Variants in ATG7 observed in about 807,000 individuals in gnomAD.
The protein encoded by ATG7 is ubiquitin-like modifier-activating enzyme ATG7.
In ATG7, 70 loss-of-function variants were observed where a neutral mutation model predicts 82.4. The ratio of observed to expected loss-of-function variants is 0.85; its 90% CI spans 0.70 to 1.04. ATG7 has a LOEUF of 1.04. Ranked by LOEUF, ATG7 falls within the 50% of genes least tolerant of loss-of-function variation. ATG7 has a pLI of 0.00. For missense variants in ATG7, 792 were observed against 864.3 expected, an observed-to-expected ratio of 0.92 and a Z score of 1.05; for synonymous variants, 287 against 313.0, an observed-to-expected ratio of 0.92 and a Z score of 0.88.
chr3:11,540,934 C>T (rs2070770237), intron 20 of ATG7, among the ~76,000 whole-genome samples: 1 of 142,398 alleles, frequency 7.0e-6, no homozygotes, highest in African/African-American at 2.6e-5. Flanking sequence ...GAGTCTTGCT[C>T]TGTCGCCCAG....
chr3:11,485,723 G>A (rs1287504991), intron 20 of ATG7, among the ~76,000 whole-genome samples: 1 of 152,148 alleles, frequency 6.6e-6, no homozygotes, highest in Non-Finnish European at 1.5e-5. Flanking sequence ...TTTGTATAAG[G>A]TGTAAGCAAG....
chr3:11,308,898 G>A (rs1948190900), intron 6 of ATG7, 86 bp from the exon 7 acceptor site: 3 of 1,255,652 alleles, frequency 2.4e-6, no homozygotes, highest in East Asian at 4.6e-5. Context: ...GAAGAGCCTG[G>A]TGCTTTTCAG....
chr3:11,480,341 C>T (rs2153031319), intron 20 of ATG7, among the ~76,000 whole-genome samples: 1 of 152,196 alleles, frequency 6.6e-6, no homozygotes, highest in East Asian at 1.9e-4. Context: ...AGTTCAAGAC[C>T]AGCTGGGCAA....
At chr3:11,547,798 T>C (rs2071418477) in intron 20 of ATG7, among the ~76,000 whole-genome samples, 1 of 152,244 alleles carries the variant, frequency 6.6e-6, no homozygotes, top group Non-Finnish European at 1.5e-5. Flanking sequence ...CATGTGCTTC[T>C]TAGCAATTTG....
At chr3:11,485,993 T>A (rs1458415000) in intron 20 of ATG7, among the ~76,000 whole-genome samples, 2 of 152,208 alleles carry the variant, frequency 1.3e-5, no homozygotes, top group Admixed American at 1.3e-4. Flanking sequence ...CCAGCTTTGC[T>A]CTTTTGGCTT....
At chr3:11,513,846 G>T (rs1289623895) in intron 20 of ATG7, among the ~76,000 whole-genome samples, 1 of 152,250 alleles carries the variant, frequency 6.6e-6, no homozygotes, top group Non-Finnish European at 1.5e-5. Context: ...CATAACAACA[G>T]CAAGAATATC....
chr3:11,360,775 C>G lies in ATG7; in HGVS notation c.1674C>G (p.Ala558=). 6.2e-7 allele frequency: 1 copy of G among 1,614,096 alleles called. No individual in the cohort carries two copies. The highest frequency in any genetic ancestry group is 8.5e-7 in the Non-Finnish European group (1 of 1,179,996). ...GCTACTTCTGCAATGATGTGGTGGC[C>G]CCAGGAGATGTAAGTGGATTTCTCT... is the stretch of plus-strand genomic sequence containing the variant. ...LGCYFCNDVV[A]PGDSTRDRTL... The change falls in exon 16 of 21, where the codon GCC becomes GCG. Residue 558 remains alanine (A), a synonymous_variant. Coordinates refer to ENST00000693202, the MANE Select transcript of ATG7 (RefSeq NM_001349232.2).
At chr3:11,530,631 AC>A (rs1559805328) in intron 20 of ATG7, among the ~76,000 whole-genome samples, 1 of 152,034 alleles carries the variant, frequency 6.6e-6, no homozygotes, top group African/African-American at 2.4e-5. Context: ...TCCAGCAGTG[AC>A]CCCCACTGAG....
intron 20 of ATG7, among the ~76,000 whole-genome samples, chr3:11,519,078 A>G (rs1170206690): frequency 2.0e-5 from 3 of 152,206 alleles, no homozygotes; most frequent in Admixed American, 2.0e-4. Flanking sequence ...CTGAAACACC[A>G]ACTTGCCAAA....
intron 20 of ATG7, among the ~76,000 whole-genome samples, chr3:11,468,335 GC>G (rs2087051330): frequency 6.6e-6 from 1 of 152,052 alleles, no homozygotes; most frequent in South Asian, 2.1e-4. Context: ...GCACAGGCCA[GC>G]CCGCCACTTC....
chr3:11,306,704 G>A (rs561051703), intron 5 of ATG7, among the ~76,000 whole-genome samples: 1 of 152,338 alleles, frequency 6.6e-6, no homozygotes, highest in South Asian at 2.1e-4. Context: ...TTGGGGGACA[G>A]TAGAACAGCA....
At chr3:11,455,340 T>G (rs1273098561) in intron 20 of ATG7, among the ~76,000 whole-genome samples, 1 of 152,186 alleles carries the variant, frequency 6.6e-6, no homozygotes, top group Admixed American at 6.5e-5. Context: ...CCACCCAGAA[T>G]GATGACAATT....
chr3:11,503,440 A>C (rs2091483160), intron 20 of ATG7, among the ~76,000 whole-genome samples: 5 of 152,130 alleles, frequency 3.3e-5, no homozygotes, highest in Admixed American at 2.6e-4. Flanking sequence ...TACATTCATG[A>C]AACAAAAAAT....
intron 14 of ATG7, among the ~76,000 whole-genome samples, chr3:11,351,386 A>T (rs1304489072): frequency 1.3e-5 from 2 of 152,180 alleles, no homozygotes; most frequent in African/African-American, 2.4e-5. Flanking sequence ...GATGAGTGGG[A>T]GTTAGCTAGA....
At chr3:11,541,170 G>T (rs2070803088) in intron 20 of ATG7, among the ~76,000 whole-genome samples, 1 of 152,216 alleles carries the variant, frequency 6.6e-6, no homozygotes, top group Non-Finnish European at 1.5e-5. Context: ...AAAGTGCTGG[G>T]ATTACAGGCG....
intron 19 of ATG7, among the ~76,000 whole-genome samples, chr3:11,416,703 T>C (rs1415927751): frequency 2.6e-5 from 4 of 152,294 alleles, no homozygotes; most frequent in African/African-American, 9.6e-5. Context: ...TTCAGTGTCA[T>C]TGATTTCTCC....
chr3:11,422,769 T>TTTTTTTTTTG lies in ATG7; in HGVS notation c.1957-4035_1957-4034insTTTTTTTTTG, dbSNP rs1386943052. Among the ~76,000 whole-genome samples, 42 of 102,696 alleles carry TTTTTTTTTTG rather than the reference T, an allele frequency of 4.1e-4. 9 individuals are homozygous for TTTTTTTTTTG. The highest frequency in any genetic ancestry group is 1.6e-3 in the African/African-American group (40 of 25,270). The allele number at this position is 102,696 out of a possible 152,430, so 67.4% of individuals were successfully genotyped here. On this transcript the variant is annotated intron_variant, in intron 19 of 20. Transcript: ENST00000693202. ...TTTTTTTTTTTTTTTTTTTTTTTTT[T>TTTTTTTTTTG]GGAGACAGAGTCTCACTCCGTTGCC...
chr3:11,565,210 A>T, the ATG7 span, among the ~76,000 whole-genome samples: 1 of 152,036 alleles, frequency 6.6e-6, no homozygotes, highest in South Asian at 2.1e-4. The surrounding 1 kb of genome is among the most constrained non-coding windows in gnomAD (Gnocchi z 4.1). Context: ...GGTGCCGGAG[A>T]AGCTGCTGCC....
At chr3:11,302,995 A>G (rs911225962) in intron 5 of ATG7, among the ~76,000 whole-genome samples, 4 of 152,182 alleles carry the variant, frequency 2.6e-5, no homozygotes, top group African/African-American at 9.7e-5. Context: ...TAAGAAGTTC[A>G]TTTCTTGCTC....
Sources: allele counts gnomAD v4.1 joint callset (sites outside exome capture counted in the v4.1 genomes callset), GRCh38; gene constraint gnomAD v4.1.1; non-coding constraint Gnocchi (gnomAD v3.1); transcripts MANE v1.5; gene names NCBI Gene and HGNC (gene_info 2026-07-23, HGNC 2026-07-21).